The following NPFFR2 variants were observed in gnomAD, a reference collection of about 807,000 sequenced individuals.
NPFFR2 encodes G-protein coupled receptor 74.
In NPFFR2, 15 loss-of-function variants were observed where a neutral mutation model predicts 13.1. The observed-to-expected ratio is 1.15, with a 90% CI of 0.77 to 1.76. NPFFR2 has a LOEUF of 1.76. Ranked by LOEUF, NPFFR2 falls within the 40% of genes most tolerant of loss-of-function variation. The probability of loss-of-function intolerance (pLI) is 0.00; values close to 1 mark genes in which losing one functional copy is unlikely to be tolerated. For missense variants in NPFFR2, 572 were observed against 503.5 expected (o/e 1.14, Z -1.30); for synonymous variants, 190 against 175.7 (o/e 1.08, Z -0.65).
At chr4:72,071,908 G>T (rs1237880704) in intron 1 of NPFFR2, among the ~76,000 whole-genome samples, 1 of 152,014 alleles carries the variant, frequency 6.6e-6, no homozygotes, top group Non-Finnish European at 1.5e-5. Flanking sequence ...AGACATTGAA[G>T]ACTAGCTCAT....
At chr4:72,138,169 A>G in intron 3 of NPFFR2, 30 bp downstream of exon 3, 1 of 1,505,986 alleles carries the variant, frequency 6.6e-7, no homozygotes, top group Non-Finnish European at 9.2e-7. Flanking sequence ...TGAATCCAGA[A>G]AAATTGGCAT....
At chr4:72,142,147 A>G (rs945151219) in intron 3 of NPFFR2, among the ~76,000 whole-genome samples, 13 of 151,974 alleles carry the variant, frequency 8.6e-5, no homozygotes, top group East Asian at 1.9e-4. Context: ...TTGATTCTAT[A>G]TGTGTCTCTG....
At chr4:72,108,384 C>T (rs983558735) in intron 1 of NPFFR2, among the ~76,000 whole-genome samples, 5 of 151,968 alleles carry the variant, frequency 3.3e-5, no homozygotes, top group African/African-American at 7.2e-5. Flanking sequence ...GTCTTCTTTT[C>T]ATTTCCCCTG....
rs549273469 is a variant in NPFFR2 at position 72,089,237 on chromosome 4, G to A, written c.-7-39348G>A. On this transcript the variant is annotated intron_variant, in intron 1 of 3. Transcript: ENST00000308744. ...TCTTTATCCAATTGTTGATTGATGG[G>A]CATTTGGCTGGTTCCATATTTTTGC... Among the ~76,000 whole-genome samples the A allele has an allele frequency of 6.3e-4, 96 of 152,182 alleles. No individual in the cohort carries two copies. The South Asian group carries it at 0.019, about 31-fold the overall frequency.
chr4:72,073,866 A>G (rs529990004), intron 1 of NPFFR2, among the ~76,000 whole-genome samples: 38 of 152,136 alleles, frequency 2.5e-4, no homozygotes, highest in South Asian at 1.0e-3. Context: ...CAGAAAAATA[A>G]CTAAAGAGTA....
intron 1 of NPFFR2, among the ~76,000 whole-genome samples, chr4:72,050,075 A>G (rs1719498213): frequency 6.6e-6 from 1 of 152,008 alleles, no homozygotes; most frequent in Admixed American, 6.6e-5. Context: ...GGTTGAGTTA[A>G]TCATTAGTGG....
At chr4:72,081,738 G>A (rs939685030) in intron 1 of NPFFR2, among the ~76,000 whole-genome samples, 2 of 151,814 alleles carry the variant, frequency 1.3e-5, no homozygotes, top group African/African-American at 2.4e-5. Context: ...CAGTCCTCCC[G>A]CCTTGGCCTC....
At chr4:72,052,783 C>A (rs1366459957) in intron 1 of NPFFR2, among the ~76,000 whole-genome samples, 1 of 151,942 alleles carries the variant, frequency 6.6e-6, no homozygotes, top group Non-Finnish European at 1.5e-5. Context: ...ACAATCTATT[C>A]TCTTTGAAGC....
intron 3 of NPFFR2, among the ~76,000 whole-genome samples, 200 bp downstream of exon 3, chr4:72,138,339 G>T (rs771001958): frequency 4.6e-5 from 7 of 152,006 alleles, no homozygotes; most frequent in Non-Finnish European, 1.0e-4. Context: ...GTATACATGT[G>T]CCATGTTGGT....
At chr4:72,091,697 A>C (rs1376421088) in intron 1 of NPFFR2, among the ~76,000 whole-genome samples, 1 of 151,802 alleles carries the variant, frequency 6.6e-6, no homozygotes, top group Non-Finnish European at 1.5e-5. Context: ...TTTTGTTTTT[A>C]ATTGAGTTTA....
chr4:72,112,206 T>G (rs1721585036), intron 1 of NPFFR2, among the ~76,000 whole-genome samples: 1 of 151,998 alleles, frequency 6.6e-6, no homozygotes, highest in African/African-American at 2.4e-5. Flanking sequence ...TTTTCTAGAC[T>G]ATAATAATTT....
In NPFFR2 at chr4:72,032,241, G is replaced by A. The variant is rs1433827821; in HGVS notation, c.-8+41G>A. Reference sequence around the variant, plus strand: ...AGTTTGTCTGGGGGCCCCCGCTTGGGGGCGCGACCCCTCTCTAATGCCCAA... The same window carrying A: ...AGTTTGTCTGGGGGCCCCCGCTTGGAGGCGCGACCCCTCTCTAATGCCCAA... On this transcript the variant is annotated intron_variant, in intron 1 of 3. Coordinates refer to ENST00000308744, the MANE Select transcript of NPFFR2 (RefSeq NM_004885.3). The A allele has an allele frequency of 7.1e-6, 11 of 1,548,118 alleles. No individual in the cohort carries two copies. In the South Asian group the frequency reaches 1.4e-4, roughly 19 times the overall value.
intron 1 of NPFFR2, among the ~76,000 whole-genome samples, chr4:72,082,310 C>T (rs1720649664): frequency 6.6e-6 from 1 of 152,176 alleles, no homozygotes; most frequent in Non-Finnish European, 1.5e-5. Context: ...TGGAATTGTT[C>T]CATTCAATGA....
chr4:72,137,118 C>T (rs928630866), intron 2 of NPFFR2, among the ~76,000 whole-genome samples: 1 of 151,978 alleles, frequency 6.6e-6, no homozygotes, highest in Non-Finnish European at 1.5e-5. Flanking sequence ...ACTAGAGTCA[C>T]TCAAGCATTT....
chr4:72,123,344 G>C (rs569812964), intron 1 of NPFFR2, among the ~76,000 whole-genome samples: 66 of 152,272 alleles, frequency 4.3e-4, no homozygotes, highest in Non-Finnish European at 7.5e-4. Context: ...GTACAAAGAG[G>C]AGCTGGTACC....
At chr4:72,142,654 T>A (rs1722666356) in intron 3 of NPFFR2, among the ~76,000 whole-genome samples, 1 of 152,210 alleles carries the variant, frequency 6.6e-6, no homozygotes, top group Non-Finnish European at 1.5e-5. Context: ...TTTCCATACT[T>A]TAAAAATAAA....
At chr4:72,083,081 T>C (rs1005584945) in intron 1 of NPFFR2, among the ~76,000 whole-genome samples, 3 of 151,676 alleles carry the variant, frequency 2.0e-5, no homozygotes, top group African/African-American at 7.3e-5. Context: ...AAACAACAGA[T>C]AAATTGATAA....
chr4:72,057,399 A>G (rs988964676), intron 1 of NPFFR2, among the ~76,000 whole-genome samples: 5 of 152,126 alleles, frequency 3.3e-5, no homozygotes, highest in East Asian at 1.9e-4. Context: ...TTGCCTTGAA[A>G]GATCTCCGAG....
chr4:72,070,565 G>T (rs746876735), intron 1 of NPFFR2, among the ~76,000 whole-genome samples: 131,342 of 137,214 alleles, frequency 0.96, 63,205 homozygotes, highest in Non-Finnish European at 0.99. Context: ...GTGTGTGGGG[G>T]GGGGGGGTGG....
Sources: allele counts gnomAD v4.1 joint callset (sites outside exome capture counted in the v4.1 genomes callset), GRCh38; gene constraint gnomAD v4.1.1; transcripts MANE v1.5; gene names NCBI Gene and HGNC (gene_info 2026-07-23, HGNC 2026-07-21).